GLI3: variants seen among roughly 807,000 people sequenced by gnomAD.
GLI3 encodes transcription activator GLI3.
A neutral mutation model predicts 100.8 loss-of-function variants in GLI3; 20 were observed. The observed-to-expected ratio is 0.20, with a 90% confidence interval of 0.14 to 0.29. GLI3 has a LOEUF of 0.29. Ranked by LOEUF, GLI3 falls within the 10% of genes least tolerant of loss-of-function variation. GLI3 has a pLI of 1.00. For synonymous variants in GLI3, 938 were observed against 860.5 expected (o/e 1.09, Z -1.58); for missense variants, 2,040 against 2,128.5 (o/e 0.96, Z 0.82).
chr7:42,195,216 A>C (rs1046369216), intron 2 of GLI3, among the ~76,000 whole-genome samples: 5 of 152,156 alleles, frequency 3.3e-5, no homozygotes, highest in Non-Finnish European at 5.9e-5. Context: ...AGCTTGAGTC[A>C]TATAACACCA....
At chr7:42,252,290 G>A (rs902128773) in intron 1 of GLI3, among the ~76,000 whole-genome samples, 1 of 152,138 alleles carries the variant, frequency 6.6e-6, no homozygotes, top group Admixed American at 6.5e-5. Context: ...GAGCTAAACA[G>A]TGAGAACCAA....
intron 2 of GLI3, among the ~76,000 whole-genome samples, chr7:42,204,376 C>A (rs537526103): frequency 6.6e-6 from 1 of 152,240 alleles, no homozygotes; most frequent in East Asian, 1.9e-4. Flanking sequence ...CCACTCCTGT[C>A]TTCCCCCTGC....
chr7:42,051,203 T>C (rs1784345513), intron 4 of GLI3, among the ~76,000 whole-genome samples: 1 of 152,200 alleles, frequency 6.6e-6, no homozygotes, highest in Non-Finnish European at 1.5e-5. Flanking sequence ...GATTTGAAGA[T>C]AAAGATACAG....
At chr7:42,017,087 T>A (rs1046353736) in intron 10 of GLI3, among the ~76,000 whole-genome samples, 5 of 152,204 alleles carry the variant, frequency 3.3e-5, no homozygotes, top group African/African-American at 1.2e-4. Flanking sequence ...AAATGGCTGA[T>A]CCACTAATGT....
rs370009188 is a variant in GLI3, at chr7:41,964,653, C to T, written c.4420G>A (p.Ala1474Thr). ...DASCLLQGTSAKNSELLSPGA... is the reference protein window; with the variant it reads ...DASCLLQGTSTKNSELLSPGA... ...GGGGAAAGTAACTCAGAGTTTTTGG[C>T]GCTGGTCCCCTGTAGCAGGCAGCTG... Residue 1474 changes from alanine (A) to threonine (T), a missense_variant, in exon 15 of 15, where the codon GCC (alanine) becomes ACC (threonine). Physicochemically the swap from Ala to Thr is moderately conservative, Grantham distance 58. Around this residue, in one of 5 missense-constraint regions of GLI3, gnomAD observed 1,041 missense variants for 924.0 expected, o/e 1.13. Transcript: ENST00000395925. 2.3e-5 allele frequency: 37 copies of T among 1,613,936 alleles called. No individual in the cohort carries two copies. The highest frequency in any genetic ancestry group is 1.5e-4 in the African/African-American group (11 of 75,044).
At chr7:42,132,471 T>A (rs1460894111) in intron 3 of GLI3, among the ~76,000 whole-genome samples, 4 of 152,148 alleles carry the variant, frequency 2.6e-5, no homozygotes, top group Non-Finnish European at 5.9e-5. Flanking sequence ...TGGTAAAAAA[T>A]GTTAAATTAT....
intron 10 of GLI3, among the ~76,000 whole-genome samples, chr7:42,000,591 G>GA (rs934428569): frequency 6.7e-6 from 1 of 150,022 alleles, no homozygotes; most frequent in African/African-American, 2.5e-5. Context: ...AAAACAATCA[G>GA]AAAAAAATTA....
In GLI3 at chr7:41,966,640, G is replaced by A. The variant is rs1229098456; in HGVS notation, c.2433C>T (p.Gly811=). ...APAVSPLIGN[G]TQSNNTCSLG... The stretch of plus-strand genomic sequence containing the variant: ...AGCTGCAGGTGTTGTTGGACTGTGT[G>A]CCTGGAGACAGAGAAAGGGAGAGAC... The change falls in exon 15 of 15, where the codon GGC becomes GGT. Residue 811 remains glycine (G), a splice_region_variant and synonymous_variant. Coordinates refer to ENST00000395925, the MANE Select transcript of GLI3 (RefSeq NM_000168.6). This position sits in a 1 kb window ranked among gnomAD's most constrained non-coding sequence, Gnocchi z 5.8. The A allele has an allele frequency of 1.9e-6, 3 of 1,613,902 alleles. No homozygotes were observed. Among genetic ancestry groups the A allele is most frequent in the Non-Finnish European group, 2.5e-6 (3 of 1,179,990 alleles).
intron 10 of GLI3, among the ~76,000 whole-genome samples, chr7:42,020,192 G>A (rs531481383): frequency 6.6e-6 from 1 of 152,298 alleles, no homozygotes; most frequent in South Asian, 2.1e-4. Flanking sequence ...CATTACAGTG[G>A]AAATCAGACT....
rs1025364290 is a variant in GLI3, at chr7:41,966,901, G to T, written c.2432-260C>A. Among the ~76,000 whole-genome samples the T allele has an allele frequency of 4.6e-5, 7 of 152,138 alleles. No individual in the cohort carries two copies. Among genetic ancestry groups the T allele is most frequent in the Non-Finnish European group, 1.0e-4 (7 of 68,044 alleles). On this transcript the variant is annotated intron_variant, in intron 14 of 14. Transcript: ENST00000395925. This position sits in a 1 kb window ranked among gnomAD's most constrained non-coding sequence, Gnocchi z 5.8. ...CAGGGGCGGCTGGAGATGGCCGCAG[G>T]CTGTAGTTTGCTGATGCCTGGCTTA...
chr7:42,251,855 A>T (rs139547862), intron 1 of GLI3, among the ~76,000 whole-genome samples: 28 of 152,220 alleles, frequency 1.8e-4, no homozygotes, highest in Admixed American at 5.2e-4. Context: ...ACAGCAGGAG[A>T]ATATGGCGTG....
intron 2 of GLI3, among the ~76,000 whole-genome samples, chr7:42,176,411 C>A (rs555613382): frequency 1.3e-5 from 2 of 152,302 alleles, no homozygotes; most frequent in African/African-American, 2.4e-5. Flanking sequence ...TCTAAACCTT[C>A]TTCTCTAACG....
chr7:42,089,099 C>T (rs923452737), intron 3 of GLI3, among the ~76,000 whole-genome samples: 5 of 152,184 alleles, frequency 3.3e-5, no homozygotes, highest in African/African-American at 1.2e-4. Flanking sequence ...GCTCCAAGTG[C>T]CCCTAAGGAC....
At chr7:42,245,442 G>A (rs980227233) in intron 1 of GLI3, among the ~76,000 whole-genome samples, 1 of 152,172 alleles carries the variant, frequency 6.6e-6, no homozygotes, top group African/African-American at 2.4e-5. Context: ...TACTTTGGGA[G>A]GCTGAGGCGG....
intron 3 of GLI3, among the ~76,000 whole-genome samples, chr7:42,090,336 C>T (rs1397778292): frequency 1.3e-5 from 2 of 152,108 alleles, no homozygotes; most frequent in South Asian, 2.1e-4. Context: ...TGTACTATGA[C>T]GTTATGATAG....
intron 4 of GLI3, among the ~76,000 whole-genome samples, chr7:42,061,643 A>G (rs563031123): frequency 7.8e-4 from 119 of 152,286 alleles, no homozygotes; most frequent in Middle Eastern, 3.4e-3. Flanking sequence ...GGACTACTAT[A>G]TGAGACTAAG....
intron 2 of GLI3, among the ~76,000 whole-genome samples, chr7:42,209,279 G>C (rs565316848): frequency 5.9e-4 from 90 of 152,134 alleles, no homozygotes; most frequent in African/African-American, 2.1e-3. Context: ...TCAAACTCCT[G>C]GCCTCAAGCA....
chr7:41,992,649 G>A (rs1018119868), intron 10 of GLI3, among the ~76,000 whole-genome samples: 43 of 152,072 alleles, frequency 2.8e-4, no homozygotes, highest in African/African-American at 8.9e-4. Context: ...TGACGAGACC[G>A]GTATTTTAAG....
In GLI3 at chr7:42,017,719, T is replaced by G. The variant is rs115881329; in HGVS notation, c.1497+5749A>C. On this transcript the variant is annotated intron_variant, in intron 10 of 14. Coordinates refer to ENST00000395925, the MANE Select transcript of GLI3 (RefSeq NM_000168.6). ...AATGCGGAAGAAAAAGGAAGTCTCT[T>G]GGCTTCAGTCTAGCGTACATCCCAG... is the stretch of plus-strand genomic sequence containing the variant. Among the ~76,000 whole-genome samples the G allele has an allele frequency of 3.7e-3, 562 of 152,374 alleles. 8 individuals carry two copies. Among genetic ancestry groups the G allele is most frequent in the African/African-American group, 0.013 (546 of 41,584 alleles).
Sources: gnomAD v4.1 joint callset for allele counts (sites outside exome capture counted in the v4.1 genomes callset) on GRCh38, gnomAD v4.1.1 for gene constraint, gnomAD v4.1.1 regional missense constraint, Gnocchi (gnomAD v3.1) non-coding constraint, MANE v1.5 for transcripts, NCBI Gene and HGNC (gene_info 2026-07-23, HGNC 2026-07-21) for gene names.